Variants in POLE observed in about 807,000 individuals in gnomAD.
POLE encodes DNA polymerase epsilon catalytic subunit A.
Under a neutral mutation model 279.2 loss-of-function variants are expected in POLE, and 188 were observed. The observed-to-expected ratio is 0.67, with a 90% CI of 0.60 to 0.76. The LOEUF (loss-of-function observed/expected upper bound fraction) is 0.76, where lower values mean the gene tolerates loss of function less well. POLE is among the 30% of genes least tolerant of loss of function. The probability of loss-of-function intolerance (pLI) is 0.00; values close to 1 mark genes in which losing one functional copy is unlikely to be tolerated. For synonymous variants in POLE, 1,214 were observed against 1,172.5 expected (o/e 1.04, Z -0.72); for missense variants, 2,703 against 3,016.7 (o/e 0.90, Z 2.44).
At position 132,659,380 on chromosome 12, in the gene POLE, G is replaced by A. The variant is rs1307012573; in HGVS notation, c.3190C>T (p.Leu1064=). ...GCATCCTTGACCATCTGGTCTCCCA[G>A]GAACTCGGCCAGGCGCTTTGCTGTG... ...ISTAKRLAEF[L]GDQMVKDAGL... is the part of the protein sequence containing the mutation. Residue 1064 remains leucine (L), a synonymous_variant, in exon 26 of 49, where the codon CTG becomes TTG. Coordinates refer to ENST00000320574, the MANE Select transcript of POLE (RefSeq NM_006231.4). The A allele has an allele frequency of 3.7e-6, 6 of 1,614,106 alleles. No homozygotes were observed. The highest frequency in any genetic ancestry group is 1.6e-4 in the Middle Eastern group (1 of 6,084).
rs765444718 is a variant in POLE at position 132,642,477 on chromosome 12, C to T, written c.4952+29G>A. The T allele has an allele frequency of 6.9e-6, 11 of 1,605,602 alleles. No individual in the cohort carries two copies. The South Asian group carries it at 1.2e-4, about 18-fold the overall frequency. ...CGAGGCCGGCTCTGCCTGGGGACCACTGGCCCACAACGACAGTACTGTGCT... is the reference window on the plus strand; with the variant it reads ...CGAGGCCGGCTCTGCCTGGGGACCATTGGCCCACAACGACAGTACTGTGCT... On this transcript the variant is annotated intron_variant, in intron 37 of 48. Transcript: ENST00000320574.
At position 132,661,174 on chromosome 12, in the gene POLE, A is replaced by G. The variant is rs774623653; in HGVS notation, c.2865-10T>C. ...ATTGAACACAGCATACCTGAAAAAAAAAAAAAAGGCAAGCACAGCAGTGGC... is the reference window on the plus strand; with the variant it reads ...ATTGAACACAGCATACCTGAAAAAAGAAAAAAAGGCAAGCACAGCAGTGGC... On this transcript the variant is annotated splice_polypyrimidine_tract_variant and intron_variant, in intron 24 of 48. Transcript: ENST00000320574. The surrounding 1 kb of genome is among the most constrained non-coding windows in gnomAD (Gnocchi z 4.1). 10 of 1,583,284 alleles carry G rather than the reference A, an allele frequency of 6.3e-6. No individual in the cohort carries two copies. In the East Asian group the frequency reaches 2.2e-4, roughly 35 times the overall value.
intron 29 of POLE, among the ~76,000 whole-genome samples, chr12:132,652,487 T>C (rs969669723): frequency 1.3e-5 from 2 of 151,800 alleles, no homozygotes; most frequent in Non-Finnish European, 2.9e-5. Flanking sequence ...ATGCCTAATG[T>C]TGTGCCGGAT....
chr12:132,652,069 T>TAACAC (rs2042434005), intron 29 of POLE, among the ~76,000 whole-genome samples: 3 of 152,230 alleles, frequency 2.0e-5, no homozygotes, highest in Non-Finnish European at 4.4e-5. Flanking sequence ...AGTTTGTGTG[T>TAACAC]GTTGACTTCC....
rs1271996140 is a variant in POLE at position 132,632,691 on chromosome 12, C to G, written c.6109G>C (p.Ala2037Pro). The G allele has an allele frequency of 1.9e-6, 3 of 1,613,908 alleles. No individual in the cohort carries two copies. The Admixed American group carries it at 5.0e-5, about 27-fold the overall frequency. Residue 2037 changes from alanine (A) to proline (P), a missense_variant, in exon 44 of 49, where the codon GCC becomes CCC. By Grantham distance (27) the Ala-to-Pro change is conservative. Around this residue, in one of 5 missense-constraint regions of POLE, gnomAD observed 1,551 missense variants for 1,686.1 expected, o/e 0.92. Coordinates refer to ENST00000320574, the MANE Select transcript of POLE (RefSeq NM_006231.4). Reference sequence around the variant, plus strand: ...GGAAGGGCTCCGACCGCCCCCTCGGCCTCCTGGGAGAGCTGGCTGGCCCCC... The same window carrying G: ...GGAAGGGCTCCGACCGCCCCCTCGGGCTCCTGGGAGAGCTGGCTGGCCCCC... Reference protein sequence around the residue: ...RRGASQLSQEAEGAVGALPGM... With the variant: ...RRGASQLSQEPEGAVGALPGM...
Position 132,676,639 on chromosome 12 carries a change from C to T in POLE, c.816G>A (p.Leu272=). The change falls in exon 9 of 49, where the codon TTG becomes TTA. Residue 272 remains leucine, a synonymous_variant. Coordinates refer to ENST00000320574, the MANE Select transcript of POLE (RefSeq NM_006231.4). ...DLVERPDPVV[L]AFDIETTKLP... is the part of the protein sequence containing the mutation. ...GTTTGGTCGTCTCAATGTCAAATGC[C>T]AAAACCACAGGGTCCTGTGGGGACA... 1 of 1,612,192 alleles carries T rather than the reference C, an allele frequency of 6.2e-7. No homozygotes were observed. Among genetic ancestry groups the T allele is most frequent in the Non-Finnish European group, 8.5e-7 (1 of 1,178,358 alleles).
chr12:132,664,465 G>A lies in POLE; in HGVS notation c.2469-3C>T, dbSNP rs1299958580. On this transcript the variant is annotated splice_polypyrimidine_tract_variant and splice_region_variant and intron_variant, in intron 21 of 48. Coordinates refer to ENST00000320574, the MANE Select transcript of POLE (RefSeq NM_006231.4). The surrounding 1 kb of genome is among the most constrained non-coding windows in gnomAD (Gnocchi z 5.3). ...TCTCCATGGAGTACCAGCGAGCCCTGAGAGGACACCACAAACTGGTGGGTG... is the reference window on the plus strand; with the variant it reads ...TCTCCATGGAGTACCAGCGAGCCCTAAGAGGACACCACAAACTGGTGGGTG... 1.2e-6 allele frequency: 2 copies of A among 1,613,202 alleles called. No homozygotes were observed. Among genetic ancestry groups the A allele is most frequent in the South Asian group, 1.1e-5 (1 of 91,076 alleles).
At chr12:132,632,997 C>T (rs776128362) in intron 43 of POLE, 3 of 579,038 alleles carry the variant, frequency 5.2e-6, no homozygotes, top group African/African-American at 1.9e-5. Flanking sequence ...CTCGCTGACA[C>T]CTGAGTTCAT....
At chr12:132,625,154 C>A in intron 47 of POLE, 160 bp from the exon 48 acceptor site, 2 of 681,392 alleles carry the variant, frequency 2.9e-6, no homozygotes, top group South Asian at 1.6e-5. Flanking sequence ...AATGCACGAC[C>A]TCATCCCACG....
intron 4 of POLE, 53 bp downstream of exon 4, chr12:132,680,125 C>G: frequency 6.3e-7 from 1 of 1,598,598 alleles, no homozygotes; most frequent in Non-Finnish European, 8.6e-7. Context: ...TTGCAAAGCC[C>G]ACCACAGAAT....
chr12:132,655,860 C>A (rs763625828), intron 29 of POLE, among the ~76,000 whole-genome samples: 35 of 152,112 alleles, frequency 2.3e-4, no homozygotes, highest in Non-Finnish European at 3.7e-4. Flanking sequence ...CAATATAACT[C>A]TTGAAATTGT....
rs767361716 is a variant in POLE, at chr12:132,643,437, A to G, written c.4414T>C (p.Ser1472Pro). 30 of 1,614,118 alleles carry G rather than the reference A, an allele frequency of 1.9e-5. No individual in the cohort carries two copies. The highest frequency in any genetic ancestry group is 2.5e-5 in the Non-Finnish European group (30 of 1,180,054). The change falls in exon 34 of 49, where the codon TCT becomes CCT. Residue 1472 changes from serine to proline, a missense_variant. Around this residue, in one of 5 missense-constraint regions of POLE, gnomAD observed 1,551 missense variants for 1,686.1 expected, o/e 0.92. Transcript: ENST00000320574. ...TFALEHLEMR[S>P]LAQFSYLEPG... ...TCCAGGTAGCTGAACTGGGCCAGAG[A>G]GCGCATCTCCAGGTGCTCAAGAGCA... is the stretch of plus-strand genomic sequence containing the variant.
chr12:132,627,162 G>C, intron 45 of POLE, among the ~76,000 whole-genome samples: 1 of 152,054 alleles, frequency 6.6e-6, no homozygotes, highest in East Asian at 1.9e-4. Flanking sequence ...GTGCACCTGT[G>C]ATCCCAGCTA....
At position 132,664,477 on chromosome 12, in the gene POLE, C is replaced by T. The variant is rs5744833; in HGVS notation, c.2469-15G>A. 20,064 of 1,608,352 alleles carry T rather than the reference C, an allele frequency of 0.012. 2,061 individuals are homozygous for T. The African/African-American group carries it at 0.23, about 18-fold the overall frequency. ...ACCAGCGAGCCCTGAGAGGACACCA[C>T]AAACTGGTGGGTGGGGCTGGCATGG... On this transcript the variant is annotated splice_polypyrimidine_tract_variant and intron_variant, in intron 21 of 48. Coordinates refer to ENST00000320574, the MANE Select transcript of POLE (RefSeq NM_006231.4). This position sits in a 1 kb window ranked among gnomAD's most constrained non-coding sequence, Gnocchi z 5.3.
chr12:132,658,113 A>T (rs1432415534), intron 26 of POLE, 143 bp from the exon 27 acceptor site: 6 of 609,124 alleles, frequency 9.9e-6, no homozygotes, highest in African/African-American at 9.3e-5. Flanking sequence ...GTGCATATGT[A>T]TGCACAAACA....
At chr12:132,630,318 GC>G (rs773992167) in intron 45 of POLE, among the ~76,000 whole-genome samples, 1 of 152,168 alleles carries the variant, frequency 6.6e-6, no homozygotes, top group Non-Finnish European at 1.5e-5. Flanking sequence ...GACAGGATAT[GC>G]CTGCAATCAG....
chr12:132,628,836 C>T (rs2041884605), intron 45 of POLE, among the ~76,000 whole-genome samples: 1 of 152,224 alleles, frequency 6.6e-6, no homozygotes. Context: ...ACGCCTCCCA[C>T]AATAGTCTTG....
At chr12:132,642,484 A>G in intron 37 of POLE, 22 bp downstream of exon 37, 1 of 1,607,130 alleles carries the variant, frequency 6.2e-7, no homozygotes, top group Non-Finnish European at 8.5e-7. Flanking sequence ...CCACTGGCCC[A>G]CAACGACAGT....
chr12:132,657,524 T>C, intron 27 of POLE, 95 bp from the exon 28 acceptor site: 1 of 1,016,270 alleles, frequency 9.8e-7, no homozygotes, highest in Non-Finnish European at 1.5e-6. Context: ...CCACTGTGTC[T>C]TATTTAATCC....
Sources: gnomAD v4.1 joint callset for allele counts (sites outside exome capture counted in the v4.1 genomes callset) on GRCh38, gnomAD v4.1.1 for gene constraint, gnomAD v4.1.1 regional missense constraint, Gnocchi (gnomAD v3.1) non-coding constraint, MANE v1.5 for transcripts, NCBI Gene and HGNC (gene_info 2026-07-23, HGNC 2026-07-21) for gene names.